PDE4B: variants seen among roughly 807,000 people sequenced by gnomAD.
PDE4B encodes the protein 3',5'-cyclic-AMP phosphodiesterase 4B.
A neutral mutation model predicts 82.2 loss-of-function variants in PDE4B; 20 were observed. That is an observed-to-expected ratio of 0.24 (90% confidence interval 0.17 to 0.35). PDE4B has a LOEUF of 0.35. Among genes scored for constraint, PDE4B ranks in the 10% least tolerant of loss-of-function variants. The pLI is 1.00. For synonymous variants in PDE4B, 320 were observed against 318.9 expected (o/e 1.00, Z -0.04); for missense variants, 655 against 907.2 (o/e 0.72, Z 3.57).
intron 3 of PDE4B, among the ~76,000 whole-genome samples, chr1:66,026,382 C>T (rs1007409557): frequency 6.6e-6 from 1 of 152,262 alleles, no homozygotes; most frequent in South Asian, 2.1e-4. Flanking sequence ...TCTATTATCC[C>T]CATCTGGCCC....
At chr1:65,952,512 C>G (rs928844852) in intron 3 of PDE4B, among the ~76,000 whole-genome samples, 22 of 151,892 alleles carry the variant, frequency 1.4e-4, no homozygotes, top group African/African-American at 5.1e-4. Context: ...GAATCCCCAT[C>G]TCTACTGAAA....
chr1:66,363,166 AG>A lies in PDE4B; in HGVS notation c.1021del. 1 of 1,588,598 alleles carries A rather than the reference AG, an allele frequency of 6.3e-7. No individual in the cohort carries two copies. Among genetic ancestry groups the A allele is most frequent in the Non-Finnish European group, 8.6e-7 (1 of 1,162,744 alleles). ...TAAATTCCTTTAAATTTTTAATTATAGGAGCTGGAAGACCTGAACAAATGGG... is the reference window on the plus strand; with the variant it reads ...TAAATTCCTTTAAATTTTTAATTATAGAGCTGGAAGACCTGAACAAATGGG... On this transcript the variant is annotated splice_acceptor_variant, in intron 10 of 16. Coordinates refer to ENST00000341517, the MANE Select transcript of PDE4B (RefSeq NM_002600.4). LOFTEE classifies it high-confidence loss of function.
chr1:65,923,569 C>T (rs1647329380), intron 3 of PDE4B, among the ~76,000 whole-genome samples: 1 of 152,180 alleles, frequency 6.6e-6, no homozygotes. Context: ...TATCTTAGAA[C>T]CTCTGCTGGA....
intron 3 of PDE4B, among the ~76,000 whole-genome samples, chr1:66,014,822 A>G (rs1274265668): frequency 6.6e-6 from 1 of 152,130 alleles, no homozygotes; most frequent in East Asian, 1.9e-4. Context: ...GTTGCTAAAT[A>G]CCCTGCAATA....
chr1:66,089,281 A>T (rs912173674), intron 3 of PDE4B, among the ~76,000 whole-genome samples: 1 of 152,154 alleles, frequency 6.6e-6, no homozygotes, highest in Non-Finnish European at 1.5e-5. Flanking sequence ...CGTAGCCGCT[A>T]TTAAAGTCTG....
intron 8 of PDE4B, among the ~76,000 whole-genome samples, chr1:66,342,730 C>CAA (rs59069739): frequency 2.3e-4 from 25 of 108,352 alleles, no homozygotes; most frequent in East Asian, 5.5e-4. Context: ...AACTCCATCT[C>CAA]AAAAAAAAAA....
chr1:65,818,372 G>A (rs549844563), intron 1 of PDE4B, among the ~76,000 whole-genome samples: 5 of 152,058 alleles, frequency 3.3e-5, no homozygotes, highest in African/African-American at 1.2e-4. Context: ...TCATGCTTTT[G>A]CTCTATTTCT....
chr1:66,309,387 A>G (rs781500198), intron 7 of PDE4B, among the ~76,000 whole-genome samples: 1 of 152,206 alleles, frequency 6.6e-6, no homozygotes, highest in Non-Finnish European at 1.5e-5. Context: ...TTCTTCTTCT[A>G]TAAAATAGAG....
intron 3 of PDE4B, among the ~76,000 whole-genome samples, chr1:66,228,963 G>A (rs1651698453): frequency 7.1e-6 from 1 of 141,080 alleles, no homozygotes; most frequent in African/African-American, 2.4e-5. Flanking sequence ...CCTATAAAAT[G>A]GCAATTTCAT....
At chr1:66,071,655 C>T (rs939783946) in intron 3 of PDE4B, among the ~76,000 whole-genome samples, 7 of 152,048 alleles carry the variant, frequency 4.6e-5, no homozygotes, top group African/African-American at 1.7e-4. Context: ...TTGTCATCTT[C>T]TTTGGCATCC....
At chr1:65,989,118 T>C (rs956460982) in intron 3 of PDE4B, among the ~76,000 whole-genome samples, 3 of 152,170 alleles carry the variant, frequency 2.0e-5, no homozygotes, top group Non-Finnish European at 4.4e-5. Context: ...ACTATATAAC[T>C]ATTCAAATCC....
chr1:66,101,331 CTT>C (rs1645219765), intron 3 of PDE4B, among the ~76,000 whole-genome samples: 1 of 152,018 alleles, frequency 6.6e-6, no homozygotes, highest in South Asian at 2.1e-4. Context: ...ATTTATAATC[CTT>C]TGGGTATATG....
At position 66,162,754 on chromosome 1, in the gene PDE4B, G is replaced by C. The variant is rs75195776; in HGVS notation, c.282-84706G>C. Among the ~76,000 whole-genome samples, 3 of 152,120 alleles carry C rather than the reference G, an allele frequency of 2.0e-5. 1 individual carries two copies. Among genetic ancestry groups the C allele is most frequent in the African/African-American group, 7.2e-5 (3 of 41,408 alleles). On this transcript the variant is annotated intron_variant, in intron 3 of 16. Transcript: ENST00000341517. ...AGATTTTGGAGCATTTCAGAATTGC[G>C]GTTTTTGGATTTGAGATGCTTCATC...
chr1:65,869,303 C>A (rs1646546950), intron 1 of PDE4B, among the ~76,000 whole-genome samples: 1 of 152,074 alleles, frequency 6.6e-6, no homozygotes, highest in Non-Finnish European at 1.5e-5. Context: ...AGGATAGCTA[C>A]CCTGTAAGTT....
chr1:65,931,415 A>G (rs990571765), intron 3 of PDE4B, among the ~76,000 whole-genome samples: 2 of 152,240 alleles, frequency 1.3e-5, no homozygotes, highest in Non-Finnish European at 2.9e-5. Context: ...TTTACAAAAT[A>G]TCCTACAGAC....
chr1:66,337,771 T>C (rs534752599), intron 8 of PDE4B, among the ~76,000 whole-genome samples: 9 of 152,324 alleles, frequency 5.9e-5, no homozygotes, highest in Non-Finnish European at 1.3e-4. Context: ...CAGAATAGAA[T>C]TAAAATCAGT....
intron 3 of PDE4B, among the ~76,000 whole-genome samples, chr1:65,924,392 C>T (rs1322169634): frequency 1.3e-5 from 2 of 151,736 alleles, no homozygotes; most frequent in Non-Finnish European, 2.9e-5. Context: ...TTTTTTCAAA[C>T]TATGTCTCAT....
intron 3 of PDE4B, among the ~76,000 whole-genome samples, chr1:66,177,054 G>A (rs1006474673): frequency 3.3e-5 from 5 of 152,174 alleles, no homozygotes; most frequent in South Asian, 2.1e-4. Context: ...ATGAGGTCCC[G>A]AGGAGAGCTA....
intron 3 of PDE4B, among the ~76,000 whole-genome samples, chr1:65,937,954 A>T (rs1420380773): frequency 6.6e-6 from 1 of 152,192 alleles, no homozygotes; most frequent in Non-Finnish European, 1.5e-5. Flanking sequence ...TTTAAACTCA[A>T]CTCCATAAGA....
Sources: allele counts gnomAD v4.1 joint callset (sites outside exome capture counted in the v4.1 genomes callset), GRCh38; gene constraint gnomAD v4.1.1; transcripts MANE v1.5; gene names NCBI Gene and HGNC (gene_info 2026-07-23, HGNC 2026-07-21).